The following SNX29 variants were observed in gnomAD, a reference collection of about 807,000 sequenced individuals.
The protein encoded by SNX29 is sorting nexin-29.
Under a neutral mutation model 102.1 loss-of-function variants are expected in SNX29, and 78 were observed. The ratio of observed to expected loss-of-function variants is 0.76; its 90% CI spans 0.64 to 0.92. The LOEUF (loss-of-function observed/expected upper bound fraction) is 0.92, where lower values mean the gene tolerates loss of function less well. SNX29 is among the 40% of genes least tolerant of loss of function. SNX29 has a pLI of 0.00. For missense variants in SNX29, 1,280 were observed against 1,061.7 expected, an observed-to-expected ratio of 1.21 and a Z score of -2.86; for synonymous variants, 580 against 414.5, an observed-to-expected ratio of 1.40 and a Z score of -4.85.
At chr16:12,316,336 A>T (rs2080737335) in intron 15 of SNX29, among the ~76,000 whole-genome samples, 1 of 152,160 alleles carries the variant, frequency 6.6e-6, no homozygotes, top group Non-Finnish European at 1.5e-5. Flanking sequence ...CGAGGTCAAG[A>T]GATTGAGATC....
intron 3 of SNX29, among the ~76,000 whole-genome samples, chr16:12,013,487 GGAA>G (rs1567525520): frequency 1.4e-4 from 1 of 6,990 alleles, no homozygotes; most frequent in African/African-American, 3.1e-4. Flanking sequence ...CTCTACTGGG[GGAA>G]AAAAAAAAAA....
intron 11 of SNX29, among the ~76,000 whole-genome samples, chr16:12,122,418 A>G (rs906226404): frequency 1.3e-5 from 2 of 152,060 alleles, no homozygotes; most frequent in African/African-American, 4.8e-5. Flanking sequence ...AGAGTAAGAC[A>G]GGGCAGGCCC....
At chr16:11,981,649 G>C (rs1236192083) in intron 1 of SNX29, among the ~76,000 whole-genome samples, 1 of 151,996 alleles carries the variant, frequency 6.6e-6, no homozygotes. Flanking sequence ...GAAAATATTT[G>C]AGTAGAGTCA....
intron 19 of SNX29, 44 bp from the exon 20 acceptor site, chr16:12,524,658 G>C: frequency 6.2e-7 from 1 of 1,600,784 alleles, no homozygotes; most frequent in Non-Finnish European, 8.5e-7. Flanking sequence ...TTCTGACCAG[G>C]TGAGGAAGAC....
chr16:12,293,725 AT>A (rs2079880894), intron 15 of SNX29, among the ~76,000 whole-genome samples: 1 of 152,216 alleles, frequency 6.6e-6, no homozygotes, highest in Non-Finnish European at 1.5e-5. Context: ...ATTTGAACAG[AT>A]TAAAAAAATA....
intron 15 of SNX29, among the ~76,000 whole-genome samples, chr16:12,336,708 G>C (rs1453460657): frequency 5.9e-5 from 9 of 152,198 alleles, no homozygotes; most frequent in Admixed American, 3.9e-4. Context: ...ACTTTGGGAG[G>C]CCGAAGCAGG....
At chr16:12,468,481 G>A (rs530866148) in intron 18 of SNX29, among the ~76,000 whole-genome samples, 17 of 152,208 alleles carry the variant, frequency 1.1e-4, no homozygotes, top group Admixed American at 4.6e-4. Context: ...CAATATTTTG[G>A]TTGCAGATCA....
At position 12,274,972 on chromosome 16, in the gene SNX29, T is replaced by G. The variant is rs1369144275; in HGVS notation, c.1679-2961T>G. On this transcript the variant is annotated intron_variant, in intron 14 of 20. Coordinates refer to ENST00000566228, the MANE Select transcript of SNX29 (RefSeq NM_032167.5). ...TGGAAATATTACCCACAGTTTGCTT[T>G]TGAAGTGTTTTCCCTAAATAGTCTC... is the stretch of plus-strand genomic sequence containing the variant. 2.0e-5 allele frequency among the ~76,000 whole-genome samples: 3 copies of G among 152,224 alleles called. No individual in the cohort carries two copies. In the East Asian group the frequency reaches 5.8e-4, roughly 29 times the overall value.
chr16:12,287,554 G>C (rs896618601), intron 15 of SNX29, among the ~76,000 whole-genome samples: 1 of 152,170 alleles, frequency 6.6e-6, no homozygotes, highest in Non-Finnish European at 1.5e-5. Flanking sequence ...GCACAACGTT[G>C]ATTTCACCCA....
chr16:12,513,033 G>A (rs1465231393), intron 19 of SNX29, among the ~76,000 whole-genome samples: 5 of 152,202 alleles, frequency 3.3e-5, no homozygotes, highest in Admixed American at 6.5e-5. Flanking sequence ...CAGTGTGTCC[G>A]CAGAGGCTTA....
intron 20 of SNX29, among the ~76,000 whole-genome samples, chr16:12,568,168 G>GA (rs1347835285): frequency 6.6e-6 from 1 of 152,108 alleles, no homozygotes; most frequent in Non-Finnish European, 1.5e-5. Flanking sequence ...ACCTTTGCTG[G>GA]AAAATCAAGG....
At chr16:12,388,780 G>A (rs1409809497) in intron 16 of SNX29, among the ~76,000 whole-genome samples, 1 of 152,214 alleles carries the variant, frequency 6.6e-6, no homozygotes, top group East Asian at 1.9e-4. Flanking sequence ...TGCTGGAAAT[G>A]CAAAAATGAA....
intron 13 of SNX29, among the ~76,000 whole-genome samples, chr16:12,158,700 G>C (rs1401759392): frequency 6.6e-6 from 1 of 152,236 alleles, no homozygotes; most frequent in Non-Finnish European, 1.5e-5. Flanking sequence ...CATGCAACGT[G>C]CACCGGAGAC....
intron 15 of SNX29, among the ~76,000 whole-genome samples, chr16:12,285,680 C>T (rs2079571798): frequency 6.6e-6 from 1 of 152,300 alleles, no homozygotes; most frequent in East Asian, 1.9e-4. Flanking sequence ...TAAATTGGCA[C>T]CAATGGGTTC....
chr16:12,202,826 G>A (rs1051602372), intron 14 of SNX29, among the ~76,000 whole-genome samples: 1 of 152,258 alleles, frequency 6.6e-6, no homozygotes, highest in African/African-American at 2.4e-5. Context: ...AGGCCCCTTG[G>A]CAGCTCACTG....
At chr16:12,396,984 C>G (rs2083746809) in intron 16 of SNX29, among the ~76,000 whole-genome samples, 1 of 152,232 alleles carries the variant, frequency 6.6e-6, no homozygotes, top group South Asian at 2.1e-4. Context: ...CTCCAGGACT[C>G]AAGTGATGCT....
At chr16:12,560,757 A>G (rs1437761617) in intron 20 of SNX29, 1 of 172,660 alleles carries the variant, frequency 5.8e-6, no homozygotes, top group Non-Finnish European at 1.3e-5. Context: ...CTGATTAGCC[A>G]TAGGATTTAC....
At chr16:12,451,454 A>T (rs116560755) in intron 18 of SNX29, among the ~76,000 whole-genome samples, 1 of 152,222 alleles carries the variant, frequency 6.6e-6, no homozygotes, top group African/African-American at 2.4e-5. Flanking sequence ...TGGCTGCCCA[A>T]TGTGTGGGAT....
chr16:11,994,051 G>A (rs1239456917), intron 1 of SNX29, among the ~76,000 whole-genome samples: 1 of 152,174 alleles, frequency 6.6e-6, no homozygotes, highest in Non-Finnish European at 1.5e-5. Context: ...AACCCAGGAG[G>A]CAGAGGTTGC....
Sources: gnomAD v4.1 joint callset for allele counts (sites outside exome capture counted in the v4.1 genomes callset) on GRCh38, gnomAD v4.1.1 for gene constraint, MANE v1.5 for transcripts, NCBI Gene and HGNC (gene_info 2026-07-23, HGNC 2026-07-21) for gene names.